DNAH7: variants seen among roughly 807,000 people sequenced by gnomAD.
DNAH7 encodes the protein axonemal beta dynein heavy chain 7.
A neutral mutation model predicts 444.6 loss-of-function variants in DNAH7; 397 were observed. The observed-to-expected ratio is 0.89, with a 90% confidence interval of 0.82 to 0.97. The LOEUF (loss-of-function observed/expected upper bound fraction) is 0.97. Ranked by LOEUF, DNAH7 falls within the 50% of genes least tolerant of loss-of-function variation. DNAH7 has a pLI of 0.00. For synonymous variants in DNAH7, 1,636 were observed against 1,624.4 expected, an observed-to-expected ratio of 1.01 and a Z score of -0.17; for missense variants, 4,902 against 4,800.8, an observed-to-expected ratio of 1.02 and a Z score of -0.62.
At chr2:195,752,378 C>G (rs1338229040) in intron 63 of DNAH7, among the ~76,000 whole-genome samples, 1 of 151,914 alleles carries the variant, frequency 6.6e-6, no homozygotes, top group Non-Finnish European at 1.5e-5. Context: ...GGGTTTCTGT[C>G]TGGATGGTGG....
intron 47 of DNAH7, among the ~76,000 whole-genome samples, chr2:195,838,599 T>C (rs552618090): frequency 2.0e-5 from 3 of 151,860 alleles, no homozygotes; most frequent in East Asian, 1.9e-4. Flanking sequence ...AAGCTGAAGA[T>C]AGATGAATAT....
At chr2:195,927,519 A>AT (rs1390010118) in intron 21 of DNAH7, among the ~76,000 whole-genome samples, 43 of 151,610 alleles carry the variant, frequency 2.8e-4, no homozygotes, top group East Asian at 3.9e-4. Context: ...AAATAAATAA[A>AT]TAAATAAATT....
In DNAH7 at chr2:195,861,758, T is replaced by C; in HGVS notation, c.7695A>G (p.Glu2565=). The C allele has an allele frequency of 6.2e-7, 1 of 1,613,428 alleles. No individual in the cohort carries two copies. The highest frequency in any genetic ancestry group is 8.5e-7 in the Non-Finnish European group (1 of 1,179,496). ...YNYVTPTSYL[E]LISTFKLLLE... ...ACAACAGTTTGAAGGTGGAGATTAA[T>C]TCGAGGTAAGAGGTAGGAGTCACAT... Residue 2565 remains glutamate (E), a synonymous_variant, in exon 42 of 65, where the codon GAA becomes GAG. Transcript: ENST00000312428.
At position 195,864,796 on chromosome 2, in the gene DNAH7, C is replaced by A. The variant is rs778594893; in HGVS notation, c.6859G>T (p.Ala2287Ser). ...KREDTNYREI[A>S]DVDNLRMIVE... ...ATCATTCGAAGATTATCCACATCTGCGATTTCTCTGTAGTTGGTATCCTCC... is the reference window on the plus strand; with the variant it reads ...ATCATTCGAAGATTATCCACATCTGAGATTTCTCTGTAGTTGGTATCCTCC... The change falls in exon 41 of 65, where the codon GCA becomes TCA. Residue 2287 changes from alanine to serine, a missense_variant. By Grantham distance (99) the Ala-to-Ser change is moderately conservative (BLOSUM62 1). Transcript: ENST00000312428. The A allele has an allele frequency of 6.2e-7, 1 of 1,614,158 alleles. No individual in the cohort carries two copies. The highest frequency in any genetic ancestry group is 8.5e-7 in the Non-Finnish European group (1 of 1,180,024).
chr2:195,944,146 A>G (rs546391505), intron 19 of DNAH7, among the ~76,000 whole-genome samples: 1 of 151,434 alleles, frequency 6.6e-6, no homozygotes, highest in Admixed American at 6.6e-5. Context: ...TAATTATTGA[A>G]GTTATGCCCA....
intron 10 of DNAH7, among the ~76,000 whole-genome samples, chr2:196,008,316 C>A (rs1694509706): frequency 6.6e-6 from 1 of 151,930 alleles, no homozygotes; most frequent in Admixed American, 6.6e-5. Context: ...GAAATTGGAA[C>A]CCTCATAAAT....
chr2:195,875,105 CCTTT>C (rs1435609599), intron 38 of DNAH7, among the ~76,000 whole-genome samples: 23 of 152,164 alleles, frequency 1.5e-4, no homozygotes, highest in African/African-American at 5.5e-4. Flanking sequence ...CACAGAGATT[CCTTT>C]GAGTATAAAT....
intron 63 of DNAH7, among the ~76,000 whole-genome samples, chr2:195,744,753 G>C (rs370688625): frequency 4.6e-5 from 7 of 152,226 alleles, no homozygotes; most frequent in Admixed American, 6.5e-5. Flanking sequence ...AGGGTCCGGA[G>C]TGGACCTCTA....
intron 6 of DNAH7, among the ~76,000 whole-genome samples, chr2:196,027,583 T>G (rs913484445): frequency 2.0e-5 from 3 of 152,068 alleles, no homozygotes; most frequent in African/African-American, 7.2e-5. Context: ...TTTTAAAAAA[T>G]TATTATGTAT....
intron 1 of DNAH7, among the ~76,000 whole-genome samples, chr2:196,064,461 ACTAT>A (rs1191718414): frequency 2.0e-5 from 3 of 152,254 alleles, no homozygotes; most frequent in East Asian, 1.9e-4. Flanking sequence ...GTCTGTGCAG[ACTAT>A]CTATATTTAC....
chr2:195,939,469 T>C (rs1462646489), intron 19 of DNAH7, among the ~76,000 whole-genome samples: 1 of 152,164 alleles, frequency 6.6e-6, no homozygotes, highest in Non-Finnish European at 1.5e-5. Context: ...ACTCAAGGAA[T>C]GTACAAGCCT....
At chr2:196,057,026 C>A (rs1352773209) in intron 2 of DNAH7, among the ~76,000 whole-genome samples, 1 of 152,168 alleles carries the variant, frequency 6.6e-6, no homozygotes, top group African/African-American at 2.4e-5. Flanking sequence ...CTACAGGGTT[C>A]ACCTCTAGAA....
chr2:195,817,761 T>G lies in DNAH7; in HGVS notation c.9360A>C (p.Ala3120=). Residue 3120 remains alanine (A), a synonymous_variant, in exon 50 of 65, where the codon GCA becomes GCC. Transcript: ENST00000312428. ...MQDQLLGIVV[A]QERPDLEEEK... is the part of the protein sequence containing the mutation. ...CTTCTTCAAGGTCTGGCCTTTCTTGTGCCACCACAATTCCCAGAAGCTGAT... is the reference window on the plus strand; with the variant it reads ...CTTCTTCAAGGTCTGGCCTTTCTTGGGCCACCACAATTCCCAGAAGCTGAT... 6.2e-7 allele frequency: 1 copy of G among 1,613,426 alleles called. No homozygotes were observed. The highest frequency in any genetic ancestry group is 8.5e-7 in the Non-Finnish European group (1 of 1,179,692).
intron 17 of DNAH7, among the ~76,000 whole-genome samples, chr2:195,969,605 G>C (rs2125565573): frequency 6.6e-6 from 1 of 152,196 alleles, no homozygotes; most frequent in Non-Finnish European, 1.5e-5. Context: ...CCGTAACCAG[G>C]TACTATCATT....
chr2:195,904,558 T>G (rs924005387), intron 27 of DNAH7: 2 of 152,170 alleles, frequency 1.3e-5, no homozygotes, highest in African/African-American at 4.8e-5. Flanking sequence ...TTTTTAAAGC[T>G]GAAGATTATA....
intron 15 of DNAH7, among the ~76,000 whole-genome samples, chr2:195,974,560 G>A (rs1286491187): frequency 6.6e-6 from 1 of 151,992 alleles, no homozygotes; most frequent in Admixed American, 6.6e-5. Flanking sequence ...TAGCTAGGAG[G>A]ATAAATAAAT....
At chr2:195,749,310 A>G (rs1693632059) in intron 63 of DNAH7, among the ~76,000 whole-genome samples, 3 of 151,586 alleles carry the variant, frequency 2.0e-5, no homozygotes, top group South Asian at 4.2e-4. Flanking sequence ...TAGAATGGCA[A>G]TCATTAAAAA....
intron 1 of DNAH7, among the ~76,000 whole-genome samples, chr2:196,059,009 C>T (rs1197177178): frequency 2.0e-5 from 3 of 151,728 alleles, no homozygotes; most frequent in Middle Eastern, 3.4e-3. Context: ...ATTAGGAGTT[C>T]AGAAATAAAC....
In DNAH7 at chr2:195,853,447, T is replaced by C. The variant is rs753713934; in HGVS notation, c.8677A>G (p.Thr2893Ala). Reference sequence around the variant, plus strand: ...TACAGCTGACCTAGCTCCAGAGCTGTGTGGCTCCATCGAGTTTTCTCACCT... The same window carrying C: ...TACAGCTGACCTAGCTCCAGAGCTGCGTGGCTCCATCGAGTTTTCTCACCT... ...LGGEKTRWSH[T>A]ALELGQLYIN... The change falls in exon 46 of 65, where the codon ACA becomes GCA. Residue 2893 changes from threonine to alanine, a missense_variant. Thr to Ala is a moderately conservative substitution (Grantham distance 58, BLOSUM62 0). Coordinates refer to ENST00000312428, the MANE Select transcript of DNAH7 (RefSeq NM_018897.3). 13 of 1,614,002 alleles carry C rather than the reference T, an allele frequency of 8.1e-6. No homozygotes were observed. The East Asian group carries it at 1.3e-4, about 17-fold the overall frequency.
Sources: allele counts gnomAD v4.1 joint callset (sites outside exome capture counted in the v4.1 genomes callset), GRCh38; gene constraint gnomAD v4.1.1; transcripts MANE v1.5; gene names NCBI Gene and HGNC (gene_info 2026-07-23, HGNC 2026-07-21).